S100Z: variants seen among roughly 807,000 people sequenced by gnomAD.
S100Z encodes the protein S100 calcium binding protein Z.
S100Z carries 11 observed loss-of-function variants against 8.5 expected under a neutral mutation model. The ratio of observed to expected loss-of-function variants is 1.30; its 90% confidence interval spans 0.82 to 2.15. The LOEUF (loss-of-function observed/expected upper bound fraction) is 2.15. Among genes scored for constraint, S100Z ranks in the 30% most tolerant of loss-of-function variants. The probability of loss-of-function intolerance (pLI) is 0.00; values close to 1 mark genes in which losing one functional copy is unlikely to be tolerated. For missense variants in S100Z, 126 were observed against 117.9 expected (o/e 1.07, Z -0.32); for synonymous variants, 34 against 43.8 (o/e 0.78, Z 0.89).
chr5:76,887,951 T>G (rs1430891383), intron 4 of S100Z, among the ~76,000 whole-genome samples: 1 of 152,076 alleles, frequency 6.6e-6, no homozygotes, highest in African/African-American at 2.4e-5. Context: ...AAAAGTTATG[T>G]TGTAGGAGTT....
chr5:76,938,159 T>C, the S100Z span, among the ~76,000 whole-genome samples: 3 of 152,276 alleles, frequency 2.0e-5, no homozygotes, highest in Non-Finnish European at 2.9e-5. Flanking sequence ...TATGACCTAA[T>C]GGGAATAGAC....
At chr5:76,881,354 A>G (rs1273628159) in intron 4 of S100Z, among the ~76,000 whole-genome samples, 4 of 152,236 alleles carry the variant, frequency 2.6e-5, no homozygotes, top group Admixed American at 6.5e-5. Context: ...CTACCCACCC[A>G]GTGAAAGTGT....
intron 4 of S100Z, among the ~76,000 whole-genome samples, chr5:76,903,957 G>A (rs983230864): frequency 2.6e-5 from 4 of 151,472 alleles, no homozygotes; most frequent in African/African-American, 9.7e-5. Context: ...GGCTGGTCTC[G>A]AACTCCTGAC....
At chr5:76,943,766 A>AAAT in the S100Z span, among the ~76,000 whole-genome samples, 1 of 83,136 alleles carries the variant, frequency 1.2e-5, no homozygotes, top group Non-Finnish European at 2.7e-5. Context: ...TTCACCTTAG[A>AAAT]GATGAGAATG....
At chr5:76,918,738 T>C (rs1213801785) in intron 4 of S100Z, among the ~76,000 whole-genome samples, 1 of 152,204 alleles carries the variant, frequency 6.6e-6, no homozygotes, top group African/African-American at 2.4e-5. Context: ...TCATTCTTAG[T>C]GTTGTACATT....
intron 4 of S100Z, among the ~76,000 whole-genome samples, chr5:76,881,452 G>A (rs576889730): frequency 3.3e-5 from 5 of 152,302 alleles, no homozygotes; most frequent in East Asian, 1.9e-4. Flanking sequence ...GCAAATCCCC[G>A]AGCTTGATGT....
intron 4 of S100Z, among the ~76,000 whole-genome samples, chr5:76,884,310 T>C (rs1382233867): frequency 6.6e-6 from 1 of 152,186 alleles, no homozygotes; most frequent in Non-Finnish European, 1.5e-5. Flanking sequence ...AACCATGTAA[T>C]CTCGCCTAGC....
intron 4 of S100Z, among the ~76,000 whole-genome samples, chr5:76,884,518 C>G (rs1275953059): frequency 6.6e-6 from 1 of 152,084 alleles, no homozygotes; most frequent in East Asian, 1.9e-4. Context: ...AATTGTAGGA[C>G]AGAGTTAGAT....
the S100Z span, among the ~76,000 whole-genome samples, chr5:76,930,040 G>C: frequency 6.6e-6 from 1 of 152,234 alleles, no homozygotes; most frequent in Admixed American, 6.5e-5. Flanking sequence ...TGTTGCAGCT[G>C]CTGGTCTGAT....
At chr5:76,873,662 G>T (rs1238822064) in intron 2 of S100Z, among the ~76,000 whole-genome samples, 1 of 152,150 alleles carries the variant, frequency 6.6e-6, no homozygotes, top group Non-Finnish European at 1.5e-5. Context: ...TTGCAGGGAG[G>T]TTGCAGTGGA....
At chr5:76,894,026 T>A (rs2150663732) in intron 4 of S100Z, among the ~76,000 whole-genome samples, 1 of 152,294 alleles carries the variant, frequency 6.6e-6, no homozygotes, top group Non-Finnish European at 1.5e-5. Flanking sequence ...CTGGTTCAGG[T>A]CATGAAGGGA....
At chr5:76,871,844 A>G (rs1165633300) in intron 2 of S100Z, among the ~76,000 whole-genome samples, 1 of 152,196 alleles carries the variant, frequency 6.6e-6, no homozygotes, top group Non-Finnish European at 1.5e-5. Context: ...CTTTGAATCC[A>G]CTTGTGATCT....
At chr5:76,879,596 A>G (rs536079250) in intron 4 of S100Z, among the ~76,000 whole-genome samples, 9 of 152,296 alleles carry the variant, frequency 5.9e-5, no homozygotes, top group African/African-American at 1.9e-4. Context: ...CTCAGGGTAA[A>G]TGGGGGACTG....
At chr5:76,931,889 G>C in the S100Z span, among the ~76,000 whole-genome samples, 2 of 152,116 alleles carry the variant, frequency 1.3e-5, no homozygotes. Flanking sequence ...ACACACATAG[G>C]AGAGACAGAG....
intron 4 of S100Z, among the ~76,000 whole-genome samples, chr5:76,890,129 TTCTCCTG>T (rs1743806320): frequency 6.6e-6 from 1 of 152,244 alleles, no homozygotes; most frequent in African/African-American, 2.4e-5. Flanking sequence ...GTTCAGGTTA[TTCTCCTG>T]TCTCAGCCTC....
chr5:76,867,231 C>T (rs1742785972), intron 1 of S100Z, among the ~76,000 whole-genome samples: 1 of 152,196 alleles, frequency 6.6e-6, no homozygotes, highest in South Asian at 2.1e-4. Flanking sequence ...AAAGTGTCCA[C>T]CCTTCTGAGG....
chr5:76,863,748 C>G (rs374750133), intron 1 of S100Z, among the ~76,000 whole-genome samples: 5 of 152,024 alleles, frequency 3.3e-5, no homozygotes, highest in Admixed American at 6.6e-5. Context: ...CCGTGTTAGC[C>G]AGGATGGTCT....
the S100Z span, among the ~76,000 whole-genome samples, chr5:76,933,993 T>C: frequency 2.0e-5 from 3 of 152,392 alleles, no homozygotes; most frequent in South Asian, 4.1e-4. Context: ...TTCTGGCTTA[T>C]TTCATTTAGC....
At chr5:76,934,718 C>G in the S100Z span, among the ~76,000 whole-genome samples, 1 of 152,224 alleles carries the variant, frequency 6.6e-6, no homozygotes, top group Non-Finnish European at 1.5e-5. Context: ...ATCATGGAAG[C>G]AGAGAGCAGC....
Sources: allele counts gnomAD v4.1 joint callset (sites outside exome capture counted in the v4.1 genomes callset), GRCh38; gene constraint gnomAD v4.1.1; transcripts MANE v1.5; gene names NCBI Gene and HGNC (gene_info 2026-07-23, HGNC 2026-07-21).